The following NHSL1 variants were observed in gnomAD, a reference collection of about 807,000 sequenced individuals.
The protein encoded by NHSL1 is NHS-like protein 1.
In NHSL1, 48 loss-of-function variants were observed where a neutral mutation model predicts 95.0. The ratio of observed to expected loss-of-function variants is 0.51; its 90% confidence interval spans 0.40 to 0.64. The LOEUF (loss-of-function observed/expected upper bound fraction) is 0.64, where lower values mean the gene tolerates loss of function less well. NHSL1 is among the 30% of genes least tolerant of loss of function. The pLI is 0.00. For synonymous variants in NHSL1, 783 were observed against 833.9 expected (o/e 0.94, Z 1.05); for missense variants, 1,971 against 2,077.7 (o/e 0.95, Z 1.00).
chr6:138,529,575 G>A (rs1306219654), intron 1 of NHSL1, among the ~76,000 whole-genome samples: 1 of 152,168 alleles, frequency 6.6e-6, no homozygotes, highest in Non-Finnish European at 1.5e-5. Flanking sequence ...GTCTCACAAG[G>A]CCTAAACTTA....
At chr6:138,427,094 C>A (rs1442387401) in intron 7 of NHSL1, among the ~76,000 whole-genome samples, 2 of 152,192 alleles carry the variant, frequency 1.3e-5, no homozygotes, top group Non-Finnish European at 2.9e-5. Flanking sequence ...TCATTTCATT[C>A]TTTTAGGTAT....
chr6:138,630,172 G>T (rs1784799221), intron 1 of NHSL1, among the ~76,000 whole-genome samples: 1 of 151,754 alleles, frequency 6.6e-6, no homozygotes, highest in South Asian at 2.1e-4. Flanking sequence ...CCATGCTGCA[G>T]CTCCAGCCTG....
intron 1 of NHSL1, among the ~76,000 whole-genome samples, chr6:138,592,167 A>G (rs561884908): frequency 5.3e-5 from 8 of 152,304 alleles, no homozygotes; most frequent in African/African-American, 1.9e-4. Context: ...AAATACCCAT[A>G]TTATCACTTT....
At chr6:138,661,461 C>T (rs931677789) in intron 1 of NHSL1, among the ~76,000 whole-genome samples, 1 of 151,026 alleles carries the variant, frequency 6.6e-6, no homozygotes, top group South Asian at 2.1e-4. Context: ...TAACATTCCA[C>T]TCCAGCCTGG....
chr6:138,483,850 G>A (rs1295383679), intron 2 of NHSL1, among the ~76,000 whole-genome samples: 1 of 152,154 alleles, frequency 6.6e-6, no homozygotes, highest in Non-Finnish European at 1.5e-5. Flanking sequence ...TGAATGATCT[G>A]TATTTGTTGG....
At position 138,471,294 on chromosome 6, in the gene NHSL1, C is replaced by T. The variant is rs1399580232; in HGVS notation, c.339+2012G>A. 2.0e-5 allele frequency among the ~76,000 whole-genome samples: 3 copies of T among 152,260 alleles called. No individual in the cohort carries two copies. In the East Asian group the frequency reaches 5.8e-4, roughly 29 times the overall value. Reference sequence around the variant, plus strand: ...TAGTGGTCTCTACACACCCAGAAACCATCTGTCTCACTGGGCCCCACTATA... The same window carrying T: ...TAGTGGTCTCTACACACCCAGAAACTATCTGTCTCACTGGGCCCCACTATA... On this transcript the variant is annotated intron_variant, in intron 3 of 7. Transcript: ENST00000343505.
rs558355903 is a variant in NHSL1 at position 138,569,909 on chromosome 6, T to C, written c.202+1801A>G. 3.5e-4 allele frequency among the ~76,000 whole-genome samples: 54 copies of C among 152,238 alleles called. No individual in the cohort carries two copies. The South Asian group carries it at 0.011, about 31-fold the overall frequency. On this transcript the variant is annotated intron_variant, in intron 1 of 6. Transcript: ENST00000427025. ...AAAAAAAACACATAAACTTACACCC[T>C]GTATTATGCTTCCATTTATCTTCAT...
At position 138,430,959 on chromosome 6, in the gene NHSL1, C is replaced by A. The variant is rs1349641843; in HGVS notation, c.3386G>T (p.Ser1129Ile). 1 of 1,551,652 alleles carries A rather than the reference C, an allele frequency of 6.4e-7. No homozygotes were observed. Among genetic ancestry groups the A allele is most frequent in the Non-Finnish European group, 8.7e-7 (1 of 1,147,000 alleles). ...RNSTNEMESE[S>I]QPASVTSSLP... ...CGAGCTTGTCACAGAGGCAGGCTGG[C>A]TTTCACTCTCCATTTCATTTGTGCT... The change falls in exon 6 of 8, where the codon AGC becomes ATC. Residue 1129 changes from serine to isoleucine, a missense_variant. Physicochemically the swap from Ser to Ile is moderately radical, Grantham distance 142 (BLOSUM62 -2). Coordinates refer to ENST00000343505, the MANE Select transcript of NHSL1 (RefSeq NM_001144060.2). The surrounding 1 kb of genome is among the most constrained non-coding windows in gnomAD (Gnocchi z 4.7).
At chr6:138,597,789 T>C (rs1181285973) in intron 1 of NHSL1, among the ~76,000 whole-genome samples, 1 of 152,218 alleles carries the variant, frequency 6.6e-6, no homozygotes, top group African/African-American at 2.4e-5. Flanking sequence ...GGACATTATA[T>C]TGACTTTTTA....
In NHSL1 at chr6:138,446,726, T is replaced by C. The variant is rs1776885542; in HGVS notation, c.532+275A>G. ...TAACCAAAGGCTTACTAAAAAGCAA[T>C]TTAATTAAAAGAGACACTCTTAAGA... On this transcript the variant is annotated intron_variant, in intron 4 of 7. Transcript: ENST00000343505. The C allele has an allele frequency of 1.1e-5, 4 of 365,244 alleles. No individual in the cohort carries two copies. In the South Asian group the frequency reaches 1.5e-4, roughly 14 times the overall value. 22.6% of individuals were successfully genotyped at this position (365,244 alleles called of 1,614,324 possible).
At chr6:138,595,614 A>G (rs1268461074) in intron 1 of NHSL1, among the ~76,000 whole-genome samples, 1 of 152,236 alleles carries the variant, frequency 6.6e-6, no homozygotes, top group Non-Finnish European at 1.5e-5. Flanking sequence ...TTTTTACAAA[A>G]GTGAATTTCA....
chr6:138,566,171 G>A (rs187121093), intron 1 of NHSL1, among the ~76,000 whole-genome samples: 1 of 152,256 alleles, frequency 6.6e-6, no homozygotes, highest in African/African-American at 2.4e-5. Context: ...GCTGAGGTGG[G>A]CGGATCACCT....
chr6:138,431,780 C>T lies in NHSL1; in HGVS notation c.2565G>A (p.Gln855=). 1 of 1,551,684 alleles carries T rather than the reference C, an allele frequency of 6.4e-7. No individual in the cohort carries two copies. The highest frequency in any genetic ancestry group is 8.7e-7 in the Non-Finnish European group (1 of 1,146,918). Residue 855 remains glutamine (Q), a synonymous_variant, in exon 6 of 8, where the codon CAG becomes CAA. Coordinates refer to ENST00000343505, the MANE Select transcript of NHSL1 (RefSeq NM_001144060.2). This position sits in a 1 kb window ranked among gnomAD's most constrained non-coding sequence, Gnocchi z 4.0. ...GGGTGAGTGCTGTGGGTGTATTCGA[C>T]TGGCTGGAATACCCACTGGATGGAG... The part of the protein sequence containing the change: ...VISPSSGYSS[Q]SNTPTALTPV...
intron 2 of NHSL1, among the ~76,000 whole-genome samples, chr6:138,476,656 C>T (rs991371131): frequency 6.6e-6 from 1 of 151,836 alleles, no homozygotes; most frequent in African/African-American, 2.4e-5. Flanking sequence ...GAAAAACCCC[C>T]GTCTCTACTA....
intron 1 of NHSL1, among the ~76,000 whole-genome samples, chr6:138,534,832 C>T (rs968890067): frequency 3.3e-5 from 5 of 152,278 alleles, no homozygotes; most frequent in Non-Finnish European, 7.4e-5. Flanking sequence ...AAAGACCATA[C>T]CTTCTTGGAG....
chr6:138,486,290 C>G (rs1779724896), intron 2 of NHSL1, among the ~76,000 whole-genome samples: 1 of 152,186 alleles, frequency 6.6e-6, no homozygotes, highest in South Asian at 2.1e-4. Context: ...GCATCATTCA[C>G]TCACCTTTAT....
At chr6:138,545,698 G>A in exon 1 of NHSL1, 2 of 1,284,558 alleles carry the variant, frequency 1.6e-6, no homozygotes, top group Non-Finnish European at 2.0e-6. Flanking sequence ...GCAGTGCTAG[G>A]CACAGCTGTC....
intron 1 of NHSL1, among the ~76,000 whole-genome samples, chr6:138,531,727 G>A (rs539410760): frequency 7.9e-5 from 12 of 151,904 alleles, no homozygotes; most frequent in South Asian, 4.2e-4. Context: ...TTGCTTAGGC[G>A]GGTCTTCAAT....
intron 1 of NHSL1, among the ~76,000 whole-genome samples, chr6:138,557,189 G>A (rs146141977): frequency 2.6e-5 from 4 of 152,240 alleles, no homozygotes; most frequent in South Asian, 2.1e-4. Context: ...GTACCAAAAC[G>A]AAAAGCCAAC....
Sources: gnomAD v4.1 joint callset for allele counts (sites outside exome capture counted in the v4.1 genomes callset) on GRCh38, gnomAD v4.1.1 for gene constraint, Gnocchi (gnomAD v3.1) non-coding constraint, MANE v1.5 for transcripts, NCBI Gene and HGNC (gene_info 2026-07-23, HGNC 2026-07-21) for gene names.